The following FMNL3 variants were observed in gnomAD, a reference collection of about 807,000 sequenced individuals.
FMNL3 encodes the protein formin like 3.
Under a neutral mutation model 119.6 loss-of-function variants are expected in FMNL3, and 57 were observed. The ratio of observed to expected loss-of-function variants is 0.48; its 90% CI spans 0.39 to 0.59. The LOEUF (loss-of-function observed/expected upper bound fraction) is 0.59, where lower values mean the gene tolerates loss of function less well. FMNL3 is among the 20% of genes least tolerant of loss of function. The pLI, the probability that FMNL3 is intolerant of heterozygous loss-of-function variation, is 0.00. For synonymous variants in FMNL3, 491 were observed against 507.3 expected, an observed-to-expected ratio of 0.97 and a Z score of 0.43; for missense variants, 1,053 against 1,323.5, an observed-to-expected ratio of 0.80 and a Z score of 3.17.
chr12:49,668,953 T>C (rs1175178541), intron 1 of FMNL3, among the ~76,000 whole-genome samples: 1 of 152,190 alleles, frequency 6.6e-6, no homozygotes, highest in Non-Finnish European at 1.5e-5. Context: ...GAACATGAGA[T>C]GGGTCAAAAA....
intron 1 of FMNL3, among the ~76,000 whole-genome samples, chr12:49,696,794 C>A (rs1297680037): frequency 6.6e-6 from 1 of 152,222 alleles, no homozygotes; most frequent in Non-Finnish European, 1.5e-5. Flanking sequence ...TTTCAACAAG[C>A]TCTTTTTGTT....
rs940336912 is a variant in FMNL3 at position 49,645,197 on chromosome 12, G to C, written c.*618C>G. 6.6e-6 allele frequency: 1 copy of C among 151,824 alleles called. No individual in the cohort carries two copies. The highest frequency in any genetic ancestry group is 2.4e-5 in the African/African-American group (1 of 41,306). The allele number at this position is 151,824 out of a possible 1,614,324, so 9.4% of individuals were successfully genotyped here. ...TCCAGCCATCTGCAGAGAGTGGTTG[G>C]TGCAGAGAAGACCTCTGCTCTTCTG... On this transcript the variant is annotated 3_prime_UTR_variant, in exon 26 of 26. Coordinates refer to ENST00000335154, the MANE Select transcript of FMNL3 (RefSeq NM_175736.5).
chr12:49,669,952 AAT>A (rs1213107718), intron 1 of FMNL3, among the ~76,000 whole-genome samples: 4 of 152,374 alleles, frequency 2.6e-5, no homozygotes, highest in African/African-American at 9.6e-5. Flanking sequence ...TCTTGAATCA[AAT>A]ATGATCGCCT....
chr12:49,698,489 A>T (rs1251160916), intron 1 of FMNL3, among the ~76,000 whole-genome samples: 4 of 151,256 alleles, frequency 2.6e-5, no homozygotes, highest in African/African-American at 7.4e-5. Context: ...GCATAATAGT[A>T]AAGCTGCAGG....
Position 49,650,676 on chromosome 12 carries a change from G to T in FMNL3, c.2000C>A (p.Thr667Lys), listed in dbSNP as rs1239578914. 1 of 1,612,888 alleles carries T rather than the reference G, an allele frequency of 6.2e-7. No individual in the cohort carries two copies. Among genetic ancestry groups the T allele is most frequent in the Non-Finnish European group, 8.5e-7 (1 of 1,179,958 alleles). The change falls in exon 17 of 26, where the codon ACG becomes AAG. Residue 667 changes from threonine (T) to lysine (K), a missense_variant and splice_region_variant. By Grantham distance (78) the Thr-to-Lys change is moderately conservative. Coordinates refer to ENST00000335154, the MANE Select transcript of FMNL3 (RefSeq NM_175736.5). ...SAEEICRAIH[T>K]FDLQTLPVDF... ...AGAGCCAGGTCAGTGGGAGCCTCAC[G>T]TATGAATGGCCCTGCAGATCTCCTC...
Position 49,643,792 on chromosome 12 carries a change from T to A in FMNL3, c.*2023A>T, listed in dbSNP as rs1942988138. 5.6e-6 allele frequency: 9 copies of A among 1,613,658 alleles called. No individual in the cohort carries two copies. The highest frequency in any genetic ancestry group is 7.6e-6 in the Non-Finnish European group (9 of 1,179,852). On this transcript the variant is annotated 3_prime_UTR_variant, in exon 26 of 26. Coordinates refer to ENST00000335154, the MANE Select transcript of FMNL3 (RefSeq NM_175736.5). ...TTCTACCTAAGCCCCTGCTATTTTGTGAGTTCTGTTCTACCTGCCTCCCAG... is the reference window on the plus strand; with the variant it reads ...TTCTACCTAAGCCCCTGCTATTTTGAGAGTTCTGTTCTACCTGCCTCCCAG...
At chr12:49,645,964 A>G (rs1943166403) in intron 25 of FMNL3, 61 bp from the exon 26 acceptor site, 2 of 1,480,036 alleles carry the variant, frequency 1.4e-6, no homozygotes, top group East Asian at 4.8e-5. Context: ...CAGTGCCCTC[A>G]AGAGCAGCCC....
chr12:49,642,099 C>A lies in FMNL3; in HGVS notation c.*3716G>T, dbSNP rs543476065. 2.5e-6 allele frequency: 4 copies of A among 1,602,472 alleles called. No individual in the cohort carries two copies. The highest frequency in any genetic ancestry group is 2.7e-5 in the African/African-American group (2 of 74,860). ...GCTCCATTCCTTCTCACTCACTGTC[C>A]CACTGACTATATTCCCAATTCAGGG... On this transcript the variant is annotated 3_prime_UTR_variant, in exon 26 of 26. Transcript: ENST00000335154. This position sits in a 1 kb window ranked among gnomAD's most constrained non-coding sequence, Gnocchi z 5.8.
Position 49,672,829 on chromosome 12 carries a change from G to A in FMNL3, c.127-4275C>T, listed in dbSNP as rs1279972499. ...CTACTCTGACAGTCTTCTTGAGCCA[G>A]GCCTGGGGAAAACCCAAAAAACAGA... On this transcript the variant is annotated intron_variant, in intron 1 of 25. Coordinates refer to ENST00000335154, the MANE Select transcript of FMNL3 (RefSeq NM_175736.5). 2.6e-5 allele frequency among the ~76,000 whole-genome samples: 4 copies of A among 152,226 alleles called. No individual in the cohort carries two copies. In the East Asian group the frequency reaches 7.7e-4, roughly 29 times the overall value.
rs1406607021 is a variant in FMNL3, at chr12:49,646,928, C to T, written c.2953G>A (p.Val985Ile). The T allele has an allele frequency of 1.9e-6, 3 of 1,613,968 alleles. No individual in the cohort carries two copies. The highest frequency in any genetic ancestry group is 1.7e-6 in the Non-Finnish European group (2 of 1,179,982). Residue 985 changes from valine (V) to isoleucine (I), a missense_variant, in exon 25 of 26, where the codon GTT becomes ATT. Val to Ile is a conservative substitution (Grantham distance 29). This residue lies in a region of FMNL3 where 324 missense variants were observed against 380.9 expected (regional missense o/e 0.85). Coordinates refer to ENST00000335154, the MANE Select transcript of FMNL3 (RefSeq NM_175736.5). ...ATGGTACCATCCTTCCCCTCATAAA[C>T]AGGCCGGTGTTCCTTGGCCTGGCGC... ...RRRQAKEHRP[V>I]YEGKDGTIED...
In FMNL3 at chr12:49,658,465, G is replaced by A; in HGVS notation, c.582C>T (p.Arg194=). Residue 194 remains arginine, a synonymous_variant, in exon 6 of 26, where the codon CGC becomes CGT. Coordinates refer to ENST00000335154, the MANE Select transcript of FMNL3 (RefSeq NM_175736.5). ...ACCGGAGCACAGACTGGCGCGCAGA[G>A]CGAGCGAGGCTGTTGGTGAAGGGGG... is the stretch of plus-strand genomic sequence containing the variant. ...LSAPFTNSLA[R]SARQSVLRYS... is the part of the protein sequence containing the mutation. The A allele has an allele frequency of 6.2e-7, 1 of 1,610,710 alleles. No individual in the cohort carries two copies. Among genetic ancestry groups the A allele is most frequent in the Non-Finnish European group, 8.5e-7 (1 of 1,178,064 alleles).
At chr12:49,688,337 C>A (rs1436696384) in intron 1 of FMNL3, 2 of 450,696 alleles carry the variant, frequency 4.4e-6, no homozygotes, top group African/African-American at 4.0e-5. Flanking sequence ...ACACAGCAGA[C>A]AAGAGAACTC....
intron 12 of FMNL3, 130 bp from the exon 13 acceptor site, chr12:49,653,457 C>T (rs1385688052): frequency 2.1e-6 from 2 of 950,420 alleles, no homozygotes; most frequent in African/African-American, 3.3e-5. Context: ...TCAGGTGGTT[C>T]CCTTATATTC....
intron 1 of FMNL3, among the ~76,000 whole-genome samples, chr12:49,701,525 G>C (rs1010804867): frequency 5.3e-5 from 8 of 152,296 alleles, no homozygotes; most frequent in African/African-American, 1.9e-4. Flanking sequence ...TCACAGCATT[G>C]TTTATGATGA....
Position 49,643,572 on chromosome 12 carries a change from C to T in FMNL3, c.*2243G>A. 1 of 1,373,294 alleles carries T rather than the reference C, an allele frequency of 7.3e-7. No individual in the cohort carries two copies. The highest frequency in any genetic ancestry group is 9.8e-7 in the Non-Finnish European group (1 of 1,015,368). 85.1% of individuals were successfully genotyped at this position (1,373,294 alleles called of 1,614,324 possible). On this transcript the variant is annotated 3_prime_UTR_variant, in exon 26 of 26. Transcript: ENST00000335154. ...AAGAAGCTGGAGAAGGAAAACTGGA[C>T]TTAGACTTCCTCAGAGCATGAGGTT... is the stretch of plus-strand genomic sequence containing the variant.
In FMNL3 at chr12:49,647,720, A is replaced by G. The variant is rs1331846648; in HGVS notation, c.2761T>C (p.Phe921Leu). 3 of 1,614,096 alleles carry G rather than the reference A, an allele frequency of 1.9e-6. 1 individual carries two copies. The highest frequency in any genetic ancestry group is 2.5e-6 in the Non-Finnish European group (3 of 1,179,938). Residue 921 changes from phenylalanine (F) to leucine (L), a missense_variant, in exon 23 of 26, where the codon TTC becomes CTC. By Grantham distance (22) the Phe-to-Leu change is conservative. Around this residue, in one of 4 missense-constraint regions of FMNL3, gnomAD observed 324 missense variants for 380.9 expected, o/e 0.85. Coordinates refer to ENST00000335154, the MANE Select transcript of FMNL3 (RefSeq NM_175736.5). This position sits in a 1 kb window ranked among gnomAD's most constrained non-coding sequence, Gnocchi z 4.9. ...CAGCTTACCTTGTAAGAACGAATGA[A>G]TCGGACAAATACTGGGAAGAATACA... Reference protein sequence around the residue: ...PSVFFPVFVRFIRSYKEAEQE... With the variant: ...PSVFFPVFVRLIRSYKEAEQE...
At position 49,656,502 on chromosome 12, in the gene FMNL3, G is replaced by A. The variant is rs778502751; in HGVS notation, c.792-5C>T. On this transcript the variant is annotated splice_region_variant and splice_polypyrimidine_tract_variant and intron_variant, in intron 8 of 25. Coordinates refer to ENST00000335154, the MANE Select transcript of FMNL3 (RefSeq NM_175736.5). ...TCTAAGACAAGGGCTTTGGTCCTAA[G>A]GGGTGAAGAAGGAAGATTAACACCC... The A allele has an allele frequency of 8.1e-5, 130 of 1,612,546 alleles. No homozygotes were observed. The South Asian group carries it at 1.3e-3, about 16-fold the overall frequency.
rs1370925537 is a variant in FMNL3, at chr12:49,642,206, A to C, written c.*3609T>G. The C allele has an allele frequency of 3.7e-6, 6 of 1,614,024 alleles. No individual in the cohort carries two copies. The highest frequency in any genetic ancestry group is 5.1e-6 in the Non-Finnish European group (6 of 1,179,974). On this transcript the variant is annotated 3_prime_UTR_variant, in exon 26 of 26. Transcript: ENST00000335154. The surrounding 1 kb of genome is among the most constrained non-coding windows in gnomAD (Gnocchi z 5.8). ...GACCTGGCATCCACCCTCCTGGGTG[A>C]CCCTGTTCCGTGTCCCTTCTTTCCT... is the stretch of plus-strand genomic sequence containing the variant.
rs759534743 is a variant in FMNL3 at position 49,643,278 on chromosome 12, G to A, written c.*2537C>T. 1.8e-5 allele frequency: 29 copies of A among 1,613,830 alleles called. No individual in the cohort carries two copies. The highest frequency in any genetic ancestry group is 2.2e-5 in the East Asian group (1 of 44,894). On this transcript the variant is annotated 3_prime_UTR_variant, in exon 26 of 26. Transcript: ENST00000335154. ...CCACCATCTCTCCGGCCCCCCAAGC[G>A]GAGGAGGCGGAACCCCTCAGAGTCA...
Sources: gnomAD v4.1 joint callset for allele counts (sites outside exome capture counted in the v4.1 genomes callset) on GRCh38, gnomAD v4.1.1 for gene constraint, gnomAD v4.1.1 regional missense constraint, Gnocchi (gnomAD v3.1) non-coding constraint, MANE v1.5 for transcripts, NCBI Gene and HGNC (gene_info 2026-07-23, HGNC 2026-07-21) for gene names.